MTFMT: variants seen among roughly 807,000 people sequenced by gnomAD.
MTFMT encodes the protein mitochondrial methionyl-tRNA formyltransferase, also known as methionyl-tRNA formyltransferase, mitochondrial.
MTFMT carries 47 observed loss-of-function variants against 51.8 expected under a neutral mutation model. That is an observed-to-expected ratio of 0.91 (90% CI 0.72 to 1.16). The LOEUF is 1.16. MTFMT is among the 50% of genes most tolerant of loss of function. The probability of loss-of-function intolerance (pLI) is 0.00; values close to 1 mark genes in which losing one functional copy is unlikely to be tolerated. For missense variants in MTFMT, 512 were observed against 482.3 expected (o/e 1.06, Z -0.58); for synonymous variants, 196 against 176.7 (o/e 1.11, Z -0.87).
At chr15:65,014,478 T>G (rs1251488011) in intron 6 of MTFMT, among the ~76,000 whole-genome samples, 1 of 151,602 alleles carries the variant, frequency 6.6e-6, no homozygotes, top group Non-Finnish European at 1.5e-5. Context: ...CATGCGCCAC[T>G]AGGTCTGGCT....
In MTFMT at chr15:65,016,452, C is replaced by T. The variant is rs751880555; in HGVS notation, c.797G>A (p.Arg266His). 5.9e-5 allele frequency: 95 copies of T among 1,606,938 alleles called. No homozygotes were observed. The highest frequency in any genetic ancestry group is 2.2e-4 in the East Asian group (10 of 44,706). The change falls in exon 6 of 9, where the codon CGT becomes CAT. Residue 266 changes from arginine (R) to histidine (H), a missense_variant. Transcript: ENST00000220058. ...CCAACTTACTATATTTCCAATGGCACGGTAAAGTCTGAATATTTGTTCTGA... is the reference window on the plus strand; with the variant it reads ...CCAACTTACTATATTTCCAATGGCATGGTAAAGTCTGAATATTTGTTCTGA... ...QTSEQIFRLY[R>H]AIGNIIPLQT...
intron 1 of MTFMT, among the ~76,000 whole-genome samples, chr15:65,028,461 G>A (rs1191880102): frequency 1.3e-5 from 2 of 152,154 alleles, no homozygotes; most frequent in African/African-American, 4.8e-5. Flanking sequence ...AATGCAGTGA[G>A]AGACGCATGT....
intron 6 of MTFMT, 87 bp from the exon 7 acceptor site, chr15:65,006,278 T>A: frequency 9.6e-7 from 1 of 1,044,084 alleles, no homozygotes. Flanking sequence ...TAATCTGGAC[T>A]TTTCTTTCAA....
intron 2 of MTFMT, chr15:65,026,068 G>A (rs1216116486): frequency 6.6e-6 from 1 of 152,184 alleles, no homozygotes; most frequent in Non-Finnish European, 1.5e-5. Context: ...CCAGCTGCTG[G>A]GAGAAGAGCA....
chr15:65,025,967 T>C (rs969828799), intron 2 of MTFMT: 6 of 152,094 alleles, frequency 3.9e-5, no homozygotes, highest in African/African-American at 9.7e-5. Flanking sequence ...GGCCGAGTCA[T>C]GTGTCAGCCA....
At chr15:65,007,602 G>A (rs1443213785) in intron 6 of MTFMT, among the ~76,000 whole-genome samples, 3 of 152,170 alleles carry the variant, frequency 2.0e-5, no homozygotes, top group Non-Finnish European at 2.9e-5. Flanking sequence ...AGTGGAATGC[G>A]TGGGTTAAAC....
intron 6 of MTFMT, among the ~76,000 whole-genome samples, chr15:65,011,483 G>GTTT (rs2086265495): frequency 3.5e-5 from 3 of 85,740 alleles, no homozygotes; most frequent in East Asian, 4.9e-4. Flanking sequence ...TCTGTAAGCT[G>GTTT]TCTTTTTTTT....
intron 6 of MTFMT, among the ~76,000 whole-genome samples, chr15:65,012,850 A>G (rs1388691316): frequency 6.6e-6 from 1 of 152,126 alleles, no homozygotes; most frequent in Non-Finnish European, 1.5e-5. Context: ...GCAATTCTGT[A>G]TACATTTTAG....
intron 6 of MTFMT, among the ~76,000 whole-genome samples, chr15:65,012,720 G>T (rs918761704): frequency 1.3e-5 from 2 of 152,052 alleles, no homozygotes; most frequent in Non-Finnish European, 2.9e-5. Flanking sequence ...CCCTTAATTC[G>T]ATTCTAATGA....
At chr15:65,005,843 G>C (rs2086215985) in intron 7 of MTFMT, among the ~76,000 whole-genome samples, 1 of 152,092 alleles carries the variant, frequency 6.6e-6, no homozygotes, top group Non-Finnish European at 1.5e-5. Flanking sequence ...CCTGACCTCA[G>C]CTGATCCACC....
intron 8 of MTFMT, among the ~76,000 whole-genome samples, chr15:65,004,555 A>G (rs1015215093): frequency 1.3e-5 from 2 of 152,180 alleles, no homozygotes; most frequent in African/African-American, 4.8e-5. Flanking sequence ...ACTATCTTTT[A>G]TGTTACCAAG....
At chr15:65,025,822 T>C (rs150530856) in intron 2 of MTFMT, among the ~76,000 whole-genome samples, 319 of 152,300 alleles carry the variant, frequency 2.1e-3, no homozygotes, top group African/African-American at 7.3e-3. Context: ...GGGACCAATT[T>C]GGGCGTTGTC....
intron 2 of MTFMT, among the ~76,000 whole-genome samples, chr15:65,025,450 T>C (rs2086414589): frequency 6.6e-6 from 1 of 151,982 alleles, no homozygotes; most frequent in African/African-American, 2.4e-5. Context: ...TTTTGGCTGC[T>C]GGATTGGTAA....
At chr15:65,010,404 C>A (rs1269401769) in intron 6 of MTFMT, among the ~76,000 whole-genome samples, 5 of 152,132 alleles carry the variant, frequency 3.3e-5, no homozygotes. Context: ...ATTATCCTCT[C>A]TCCTCCAGCC....
Position 65,029,593 on chromosome 15 carries a change from G to T in MTFMT, c.21C>A (p.Arg7=), listed in dbSNP as rs796183698. MRVLVR[R]CWGPPLAHGA... ...CATGAGCCAGCGGAGGACCCCAACA[G>T]CGCCGCACCAACACCCTCATCGCCT... The change falls in exon 1 of 9, where the codon CGC becomes CGA. Residue 7 remains arginine (R), a synonymous_variant. Coordinates refer to ENST00000220058, the MANE Select transcript of MTFMT (RefSeq NM_139242.4). 6.8e-7 allele frequency: 1 copy of T among 1,459,876 alleles called. No individual in the cohort carries two copies. Among genetic ancestry groups the T allele is most frequent in the Admixed American group, 2.4e-5 (1 of 41,786 alleles). The allele number at this position is 1,459,876 out of a possible 1,614,324, so 90.4% of individuals were successfully genotyped here. A position where few individuals can be genotyped will look rare whatever the true frequency, so the allele number is the denominator to read the frequency against.
intron 8 of MTFMT, among the ~76,000 whole-genome samples, chr15:65,004,602 ACAC>A (rs1350981994): frequency 6.6e-5 from 10 of 152,200 alleles, no homozygotes; most frequent in Non-Finnish European, 1.3e-4. Context: ...TACTGAAAAT[ACAC>A]GTGTTCTTTT....
At position 65,021,606 on chromosome 15, in the gene MTFMT, C is replaced by A; in HGVS notation, c.553G>T (p.Gly185Cys). ...MQIRPKRFDV[G>C]PILKQETVPV... ...ACAGTTTCTTGTTTGAGAATTGGGC[C>A]TACATCAAACCTAGCAAAAAATCAA... Residue 185 changes from glycine (G) to cysteine (C), a missense_variant, in exon 4 of 9, where the codon GGC (glycine) becomes TGC (cysteine). By Grantham distance (159) the Gly-to-Cys change is radical. Transcript: ENST00000220058. 1.9e-6 allele frequency: 3 copies of A among 1,570,438 alleles called. No individual in the cohort carries two copies. Among genetic ancestry groups the A allele is most frequent in the Non-Finnish European group, 2.6e-6 (3 of 1,150,398 alleles).
intron 6 of MTFMT, among the ~76,000 whole-genome samples, chr15:65,008,106 T>C (rs1282961189): frequency 6.6e-6 from 1 of 152,234 alleles, no homozygotes; most frequent in African/African-American, 2.4e-5. Flanking sequence ...CATCTATATT[T>C]TGATTTTTTT....
chr15:65,003,089 AGTTT>A lies in MTFMT; in HGVS notation c.1139_1142del (p.Lys380MetfsTer11). 1.2e-6 allele frequency: 2 copies of A among 1,607,026 alleles called. No homozygotes were observed. The highest frequency in any genetic ancestry group is 1.7e-6 in the Non-Finnish European group (2 of 1,176,168). On this transcript the variant is annotated frameshift_variant, in exon 9 of 9. Coordinates refer to ENST00000220058, the MANE Select transcript of MTFMT (RefSeq NM_139242.4). LOFTEE classifies it high-confidence loss of function. The stretch of plus-strand genomic sequence containing the variant: ...ACTCAATGCATTGTTGCATAGCAAC[AGTTT>A]TTTTCTGCTTCTTCTTTGTTGGAAG...
Sources: allele counts gnomAD v4.1 joint callset (sites outside exome capture counted in the v4.1 genomes callset), GRCh38; gene constraint gnomAD v4.1.1; transcripts MANE v1.5; gene names NCBI Gene and HGNC (gene_info 2026-07-23, HGNC 2026-07-21).